MRTFB: variants seen among roughly 807,000 people sequenced by gnomAD.
MRTFB encodes myocardin-related transcription factor B.
MRTFB carries 29 observed loss-of-function variants against 104.2 expected under a neutral mutation model. The ratio of observed to expected loss-of-function variants is 0.28; its 90% CI spans 0.21 to 0.38. The LOEUF is 0.38. MRTFB is among the 10% of genes least tolerant of loss of function. The pLI, the probability that MRTFB is intolerant of heterozygous loss-of-function variation, is 1.00. For missense variants in MRTFB, 1,270 were observed against 1,341.6 expected (o/e 0.95, Z 0.83); for synonymous variants, 535 against 519.5 (o/e 1.03, Z -0.41).
chr16:14,078,011 C>T (rs1033661558), intron 1 of MRTFB, among the ~76,000 whole-genome samples: 1 of 152,152 alleles, frequency 6.6e-6, no homozygotes, highest in African/African-American at 2.4e-5. Flanking sequence ...GCCTTAGTCT[C>T]TCTTGGATGT....
upstream of MRTFB, among the ~76,000 whole-genome samples, chr16:14,071,098 G>A (rs1446734767): frequency 2.0e-5 from 3 of 152,196 alleles, no homozygotes; most frequent in Non-Finnish European, 4.4e-5. Context: ...GGCCAGGTGA[G>A]AAGGAGGCGG....
intron 6 of MRTFB, among the ~76,000 whole-genome samples, chr16:14,215,901 C>T (rs541175784): frequency 1.3e-5 from 2 of 152,320 alleles, no homozygotes; most frequent in East Asian, 3.9e-4. Context: ...TCTCAAATTT[C>T]TTACAGTTGT....
intron 2 of MRTFB, among the ~76,000 whole-genome samples, chr16:14,119,699 AT>A (rs1002355601): frequency 1.6e-4 from 24 of 151,272 alleles, no homozygotes; most frequent in African/African-American, 2.4e-4. Flanking sequence ...TTTTAAACTT[AT>A]TTTTTTTTAA....
chr16:14,232,057 A>G (rs539885510), intron 8 of MRTFB, among the ~76,000 whole-genome samples: 2 of 152,322 alleles, frequency 1.3e-5, no homozygotes, highest in South Asian at 4.1e-4. Context: ...CATAAATATT[A>G]CATTTGATAC....
chr16:14,028,582 T>G, the MRTFB span, among the ~76,000 whole-genome samples: 1 of 152,270 alleles, frequency 6.6e-6, no homozygotes, highest in East Asian at 1.9e-4. Context: ...ATCTCTCCTC[T>G]CCCACAAGCC....
At chr16:14,021,010 C>T in the MRTFB span, 1 of 152,252 alleles carries the variant, frequency 6.6e-6, no homozygotes, top group African/African-American at 2.4e-5. Context: ...GTGCCTCTGA[C>T]AGCAGGAATA....
At chr16:14,015,775 G>A in the MRTFB span, 6 of 396,780 alleles carry the variant, frequency 1.5e-5, no homozygotes, top group Non-Finnish European at 2.7e-5. Flanking sequence ...GATCCTTAAA[G>A]ATGCAGGCTC....
chr16:14,171,843 A>G (rs998178778), intron 3 of MRTFB, among the ~76,000 whole-genome samples: 17 of 152,316 alleles, frequency 1.1e-4, no homozygotes, highest in Non-Finnish European at 2.5e-4. Context: ...AAAAATACCT[A>G]CAAACTGGAG....
chr16:14,066,420 C>T (rs1216965528), upstream of MRTFB, among the ~76,000 whole-genome samples: 1 of 151,776 alleles, frequency 6.6e-6, no homozygotes, highest in African/African-American at 2.4e-5. Flanking sequence ...ATTACAGGTG[C>T]ATGCCACCAC....
Position 14,201,222 on chromosome 16 carries a change from C to T in MRTFB, c.155-9021C>T, listed in dbSNP as rs547755696. On this transcript the variant is annotated intron_variant, in intron 3 of 16. Transcript: ENST00000571589. The stretch of plus-strand genomic sequence containing the variant: ...ATTTATTCTGTGGTGTAGGTATGCA[C>T]ATTCCATAGGTATGCACACGGCCAT... Among the ~76,000 whole-genome samples the T allele has an allele frequency of 7.2e-5, 11 of 152,318 alleles. No individual in the cohort carries two copies. In the South Asian group the frequency reaches 2.1e-3, roughly 29 times the overall value.
At chr16:14,021,860 G>A in the MRTFB span, among the ~76,000 whole-genome samples, 3 of 152,216 alleles carry the variant, frequency 2.0e-5, no homozygotes, top group Middle Eastern at 3.4e-3. Flanking sequence ...TTGCAGTTGC[G>A]AATCGTGCTG....
chr16:14,002,193 G>T, the MRTFB span, among the ~76,000 whole-genome samples: 3 of 152,090 alleles, frequency 2.0e-5, no homozygotes, highest in Non-Finnish European at 4.4e-5. Flanking sequence ...GACCAGCCTG[G>T]CCAACATGGT....
chr16:14,190,842 C>T (rs1390189971), intron 3 of MRTFB, among the ~76,000 whole-genome samples: 4 of 152,136 alleles, frequency 2.6e-5, no homozygotes, highest in Non-Finnish European at 1.5e-5. Flanking sequence ...GGAGTGTCAA[C>T]GGAGTGGGGA....
chr16:14,034,382 G>C, the MRTFB span, among the ~76,000 whole-genome samples: 1 of 152,328 alleles, frequency 6.6e-6, no homozygotes, highest in South Asian at 2.1e-4. Context: ...GGGAGGCCAA[G>C]GTGGGCGGAT....
chr16:14,101,761 T>G (rs780136212), intron 2 of MRTFB, among the ~76,000 whole-genome samples: 10 of 152,206 alleles, frequency 6.6e-5, no homozygotes, highest in Non-Finnish European at 1.3e-4. Context: ...TAGGGTCACT[T>G]AGTAACAGGT....
At chr16:14,095,088 A>G (rs912494019) in intron 2 of MRTFB, among the ~76,000 whole-genome samples, 5 of 152,232 alleles carry the variant, frequency 3.3e-5, no homozygotes, top group African/African-American at 9.6e-5. Context: ...CTGACTTTGT[A>G]AGATTATGAT....
chr16:14,254,378 G>C (rs2043389557), intron 15 of MRTFB, among the ~76,000 whole-genome samples: 1 of 152,216 alleles, frequency 6.6e-6, no homozygotes, highest in Admixed American at 6.5e-5. Flanking sequence ...CCACACTCAG[G>C]AAGGGAGTGA....
chr16:14,085,293 TA>T (rs2034630775), intron 2 of MRTFB, among the ~76,000 whole-genome samples: 1 of 151,740 alleles, frequency 6.6e-6, no homozygotes, highest in South Asian at 2.1e-4. Context: ...CTGTCTCTAC[TA>T]AAAATACAAA....
chr16:14,225,355 G>A (rs756710214), intron 8 of MRTFB, among the ~76,000 whole-genome samples: 51 of 152,286 alleles, frequency 3.3e-4, no homozygotes, highest in Non-Finnish European at 5.4e-4. Context: ...TGTGAATGAT[G>A]TCAGTAACAT....
Sources: gnomAD v4.1 joint callset for allele counts (sites outside exome capture counted in the v4.1 genomes callset) on GRCh38, gnomAD v4.1.1 for gene constraint, MANE v1.5 for transcripts, NCBI Gene and HGNC (gene_info 2026-07-23, HGNC 2026-07-21) for gene names.